The following SLC44A5 variants were observed in gnomAD, a reference collection of about 807,000 sequenced individuals.
The protein encoded by SLC44A5 is choline transporter-like protein 5.
In SLC44A5, 57 loss-of-function variants were observed where a neutral mutation model predicts 101.8. The ratio of observed to expected loss-of-function variants is 0.56; its 90% confidence interval spans 0.45 to 0.70. The LOEUF is 0.70. Ranked by LOEUF, SLC44A5 falls within the 30% of genes least tolerant of loss-of-function variation. The pLI is 0.00. For synonymous variants in SLC44A5, 281 were observed against 290.9 expected (o/e 0.97, Z 0.35); for missense variants, 737 against 853.1 (o/e 0.86, Z 1.70).
chr1:75,702,655 A>G, the SLC44A5 span, among the ~76,000 whole-genome samples: 37,964 of 152,130 alleles, frequency 0.25, 5,070 homozygotes, highest in Non-Finnish European at 0.3. Context: ...CAAAATTGAC[A>G]AATGGGATCT....
chr1:75,615,900 C>T (rs1053920828), upstream of SLC44A5: 3 of 987,232 alleles, frequency 3.0e-6, no homozygotes, highest in African/African-American at 1.7e-5. Context: ...CTGTCCCCTT[C>T]CCTCCCCCGG....
At chr1:75,615,129 T>C (rs1411495266), upstream of SLC44A5, among the ~76,000 whole-genome samples, 2 of 152,010 alleles carry the variant, frequency 1.3e-5, no homozygotes, top group South Asian at 2.1e-4. Context: ...CCGCGAACTT[T>C]CCAACTTTGG....
At chr1:75,677,798 C>A in the SLC44A5 span, 7 of 412,674 alleles carry the variant, frequency 1.7e-5, no homozygotes, top group South Asian at 3.4e-5. Context: ...TCTACAGCTC[C>A]CAGCCTGAGC....
At chr1:75,624,078 C>T in the SLC44A5 span, among the ~76,000 whole-genome samples, 7 of 152,218 alleles carry the variant, frequency 4.6e-5, no homozygotes, top group African/African-American at 1.4e-4. Context: ...CACAAAAGAA[C>T]TCAGACTAAT....
chr1:75,312,174 T>C (rs1005584965), intron 4 of SLC44A5, among the ~76,000 whole-genome samples: 2 of 152,188 alleles, frequency 1.3e-5, no homozygotes, highest in African/African-American at 2.4e-5. Flanking sequence ...CCTGCCACCA[T>C]GTAAGATGTG....
At chr1:75,675,040 G>T in the SLC44A5 span, among the ~76,000 whole-genome samples, 5 of 152,288 alleles carry the variant, frequency 3.3e-5, no homozygotes, top group African/African-American at 1.2e-4. Context: ...AAGTCAGGTA[G>T]CATGATGCCT....
intron 2 of SLC44A5, among the ~76,000 whole-genome samples, chr1:75,478,462 G>T (rs1301943570): frequency 6.6e-6 from 1 of 152,116 alleles, no homozygotes; most frequent in Non-Finnish European, 1.5e-5. Context: ...CTGGCAAATT[G>T]GATAAAGAGT....
chr1:75,446,649 TACACAC>T (rs10547175), intron 2 of SLC44A5, among the ~76,000 whole-genome samples: 52 of 149,744 alleles, frequency 3.5e-4, no homozygotes, highest in South Asian at 6.4e-4. Context: ...TGCCTGGCTA[TACACAC>T]ACACACACAC....
chr1:75,415,161 T>C (rs1049308707), intron 2 of SLC44A5, among the ~76,000 whole-genome samples: 17 of 152,156 alleles, frequency 1.1e-4, no homozygotes, highest in Non-Finnish European at 2.9e-5. Context: ...TAATTTGATA[T>C]AGTTTGGCTG....
chr1:75,490,676 T>G (rs760873686), intron 2 of SLC44A5, among the ~76,000 whole-genome samples: 4 of 152,172 alleles, frequency 2.6e-5, no homozygotes, highest in Non-Finnish European at 4.4e-5. Context: ...CTTTGAAATA[T>G]TGTTAGAGTT....
intron 2 of SLC44A5, among the ~76,000 whole-genome samples, chr1:75,533,954 T>C (rs1160620252): frequency 2.0e-5 from 3 of 152,156 alleles, no homozygotes. Context: ...TAAGAATAAA[T>C]TGCAAAAGTC....
chr1:75,674,702 A>G, the SLC44A5 span, among the ~76,000 whole-genome samples: 1 of 150,316 alleles, frequency 6.7e-6, no homozygotes, highest in Non-Finnish European at 1.5e-5. Context: ...ATTTTAAAAA[A>G]TGAAGTGCAC....
the SLC44A5 span, among the ~76,000 whole-genome samples, chr1:75,722,150 T>C: frequency 6.6e-6 from 1 of 152,232 alleles, no homozygotes; most frequent in African/African-American, 2.4e-5. Flanking sequence ...GGTACACATA[T>C]AAATATATAA....
Position 75,312,790 on chromosome 1 carries a change from G to A in SLC44A5, c.102-12105C>T, listed in dbSNP as rs550092899. ...TGAATAGCCCTCAGTGTGGAGGAGC[G>A]TGGACTTTTCTGTCAGGGGAGTTCA... On this transcript the variant is annotated intron_variant, in intron 4 of 23. Coordinates refer to ENST00000370859, the MANE Select transcript of SLC44A5 (RefSeq NM_001130058.2). 7.2e-5 allele frequency among the ~76,000 whole-genome samples: 11 copies of A among 152,124 alleles called. No individual in the cohort carries two copies. The East Asian group carries it at 1.3e-3, about 19-fold the overall frequency.
At chr1:75,518,879 G>A (rs772170851) in intron 2 of SLC44A5, among the ~76,000 whole-genome samples, 2 of 152,140 alleles carry the variant, frequency 1.3e-5, no homozygotes, top group East Asian at 1.9e-4. Context: ...GAATGCTAAC[G>A]AGATTTCTTG....
chr1:75,280,076 T>C (rs1235588945), intron 5 of SLC44A5, among the ~76,000 whole-genome samples: 3 of 145,204 alleles, frequency 2.1e-5, no homozygotes, highest in African/African-American at 7.6e-5. Context: ...GCAAATTACA[T>C]TATTTCATTC....
intron 1 of SLC44A5, among the ~76,000 whole-genome samples, chr1:75,584,202 G>A (rs1019654404): frequency 6.6e-6 from 1 of 152,172 alleles, no homozygotes; most frequent in Admixed American, 6.5e-5. Flanking sequence ...CTGTCCTTTT[G>A]AGCTTCTGTA....
In SLC44A5 at chr1:75,570,304, G is replaced by A. The variant is rs1047138092; in HGVS notation, c.-69-28788C>T. Among the ~76,000 whole-genome samples, 6 of 152,168 alleles carry A rather than the reference G, an allele frequency of 3.9e-5. No individual in the cohort carries two copies. The East Asian group carries it at 9.6e-4, about 24-fold the overall frequency. Reference sequence around the variant, plus strand: ...AGAAAGAAGGAAGGGGCCCACAAGTGGATGTGAATTTGAAAGACAAAATAC... The same window carrying A: ...AGAAAGAAGGAAGGGGCCCACAAGTAGATGTGAATTTGAAAGACAAAATAC... On this transcript the variant is annotated intron_variant, in intron 1 of 23. Coordinates refer to ENST00000370859, the MANE Select transcript of SLC44A5 (RefSeq NM_001130058.2).
At chr1:75,275,137 AC>A (rs1489545134) in intron 5 of SLC44A5, 95 bp from the exon 6 acceptor site, 2 of 777,374 alleles carry the variant, frequency 2.6e-6, no homozygotes. Context: ...CAACACACTA[AC>A]CTCTCCCCTC....
Sources: allele counts gnomAD v4.1 joint callset (sites outside exome capture counted in the v4.1 genomes callset), GRCh38; gene constraint gnomAD v4.1.1; transcripts MANE v1.5; gene names NCBI Gene and HGNC (gene_info 2026-07-23, HGNC 2026-07-21).